The following CRNN variants were observed in gnomAD, a reference collection of about 807,000 sequenced individuals.
The protein encoded by CRNN is cornulin.
Under a neutral mutation model 44.7 loss-of-function variants are expected in CRNN, and 39 were observed. The observed-to-expected ratio is 0.87, with a 90% CI of 0.68 to 1.14. The LOEUF is 1.14. CRNN is among the 50% of genes most tolerant of loss of function. CRNN has a pLI of 0.00. For synonymous variants in CRNN, 240 were observed against 231.8 expected, an observed-to-expected ratio of 1.04 and a Z score of -0.32; for missense variants, 606 against 605.1, an observed-to-expected ratio of 1.00 and a Z score of -0.02.
In CRNN at chr1:152,410,724, C is replaced by A. The variant is rs201584659; in HGVS notation, c.358G>T (p.Gly120Cys). 1 of 1,614,124 alleles carries A rather than the reference C, an allele frequency of 6.2e-7. No individual in the cohort carries two copies. Among genetic ancestry groups the A allele is most frequent in the Non-Finnish European group, 8.5e-7 (1 of 1,179,976 alleles). Residue 120 changes from glycine to cysteine, a missense_variant, in exon 3 of 3, where the codon GGC becomes TGC. Gly to Cys is a radical substitution (Grantham distance 159). Transcript: ENST00000271835. ...TTCCCCGCCCTTCCCACTTCAGTGC[C>A]ACTTCTCTGTCCTTCGCCCAGCTCC... ...SQELGEGQRS[G>C]TEVGRAGKGQ...
At chr1:152,412,813 C>T (rs1280322344) in intron 1 of CRNN, among the ~76,000 whole-genome samples, 14 of 152,106 alleles carry the variant, frequency 9.2e-5, no homozygotes. Context: ...ATCCTAGGAT[C>T]CATTTTTCCT....
chr1:152,409,507 G>A lies in CRNN; in HGVS notation c.*87C>T. The A allele has an allele frequency of 6.5e-7, 1 of 1,527,368 alleles. No individual in the cohort carries two copies. Among genetic ancestry groups the A allele is most frequent in the Non-Finnish European group, 8.8e-7 (1 of 1,140,032 alleles). 94.6% of individuals were successfully genotyped at this position (1,527,368 alleles called of 1,614,324 possible). On this transcript the variant is annotated 3_prime_UTR_variant, in exon 3 of 3. Transcript: ENST00000271835. ...TGCATAATGAAGAGCTGATGTCCAG[G>A]GATGCACCCACTGGATTGGCCATGC...
Position 152,410,037 on chromosome 1 carries a change from T to C in CRNN, c.1045A>G (p.Ile349Val). The C allele has an allele frequency of 6.2e-7, 1 of 1,613,988 alleles. No homozygotes were observed. The highest frequency in any genetic ancestry group is 8.5e-7 in the Non-Finnish European group (1 of 1,179,976). Residue 349 changes from isoleucine to valine, a missense_variant, in exon 3 of 3, where the codon ATA becomes GTA. Coordinates refer to ENST00000271835, the MANE Select transcript of CRNN (RefSeq NM_016190.3). ...SQAVTGGHTQ[I>V]QAGSHTETVE... ...GTCTCGGTGTGTGACCCTGCCTGTA[T>C]CTGAGTGTGTCCTCCTGTCACAGCC...
Position 152,409,678 on chromosome 1 carries a change from C to T in CRNN, c.1404G>A (p.Gln468=). The T allele has an allele frequency of 6.2e-7, 1 of 1,614,214 alleles. No individual in the cohort carries two copies. Among genetic ancestry groups the T allele is most frequent in the Non-Finnish European group, 8.5e-7 (1 of 1,180,036 alleles). ...GNLHTSVSSA[Q]GQDAAQSEEK... ...CTTCTGACTGGGCTGCATCCTGGCC[C>T]TGTGCTGAGGAAACACTGGTATGCA... Residue 468 remains glutamine, a synonymous_variant, in exon 3 of 3, where the codon CAG becomes CAA. Transcript: ENST00000271835.
Position 152,409,373 on chromosome 1 carries a change from C to T in CRNN, c.*221G>A. 1 of 761,940 alleles carries T rather than the reference C, an allele frequency of 1.3e-6. No homozygotes were observed. Among genetic ancestry groups the T allele is most frequent in the Non-Finnish European group, 2.0e-6 (1 of 496,878 alleles). 47.2% of individuals were successfully genotyped at this position (761,940 alleles called of 1,614,324 possible). A position where few individuals can be genotyped will look rare whatever the true frequency, so the allele number is the denominator to read the frequency against. ...TACAAAGGGGTGACTTGCTCTGAGT[C>T]TTCCTGCTCCTGAGAGGGTCTGCAC... On this transcript the variant is annotated 3_prime_UTR_variant, in exon 3 of 3. Coordinates refer to ENST00000271835, the MANE Select transcript of CRNN (RefSeq NM_016190.3).
At position 152,410,564 on chromosome 1, in the gene CRNN, G is replaced by T. The variant is rs769738725; in HGVS notation, c.518C>A (p.Ser173Tyr). Residue 173 changes from serine (S) to tyrosine (Y), a missense_variant, in exon 3 of 3, where the codon TCC becomes TAC. Coordinates refer to ENST00000271835, the MANE Select transcript of CRNN (RefSeq NM_016190.3). Reference protein sequence around the residue: ...WVSSYDRQAESQSQERISPQI... With the variant: ...WVSSYDRQAEYQSQERISPQI... ...CGGGCTTATTCTTTCCTGGCTCTGG[G>T]ACTCAGCTTGCCTGTCATAGCTGCT... The T allele has an allele frequency of 3.1e-6, 5 of 1,614,126 alleles. No individual in the cohort carries two copies. In the South Asian group the frequency reaches 5.5e-5, roughly 18 times the overall value.
At position 152,412,100 on chromosome 1, in the gene CRNN, A is replaced by G. The variant is rs754934251; in HGVS notation, c.134T>C (p.Ile45Thr). The change falls in exon 2 of 3, where the codon ATT (isoleucine) becomes ACT (threonine). Residue 45 changes from isoleucine (I) to threonine (T), a missense_variant. Transcript: ENST00000271835. Reference protein sequence around the residue: ...RLLEQEFADVIVKPHDPATVD... With the variant: ...RLLEQEFADVTVKPHDPATVD... ...ACCCGGCTCAGCACACCGTACCACA[A>G]TCACATCGGCAAACTCTTGCTCCAA... The G allele has an allele frequency of 3.1e-6, 5 of 1,606,464 alleles. No homozygotes were observed. The highest frequency in any genetic ancestry group is 1.3e-5 in the African/African-American group (1 of 74,740).
At chr1:152,412,504 C>G (rs946366210) in intron 1 of CRNN, among the ~76,000 whole-genome samples, 5 of 152,090 alleles carry the variant, frequency 3.3e-5, no homozygotes, top group Non-Finnish European at 7.4e-5. Flanking sequence ...CCTCTCCATG[C>G]CTCAGTTTAC....
chr1:152,409,901 T>G lies in CRNN; in HGVS notation c.1181A>C (p.Glu394Ala). 1 of 1,614,210 alleles carries G rather than the reference T, an allele frequency of 6.2e-7. No individual in the cohort carries two copies. The highest frequency in any genetic ancestry group is 1.7e-5 in the Admixed American group (1 of 60,026). ...TCCTCCCGGTACTGTCTCTCCTGCC[T>G]CAGGGTTGCTCACTTGCATCCATCT... ...GQRWMQVSNP[E>A]AGETVPGGQA... The change falls in exon 3 of 3, where the codon GAG becomes GCG. Residue 394 changes from glutamate (E) to alanine (A), a missense_variant. Coordinates refer to ENST00000271835, the MANE Select transcript of CRNN (RefSeq NM_016190.3).
Position 152,410,709 on chromosome 1 carries a change from T to G in CRNN, c.373A>C (p.Arg125=). The G allele has an allele frequency of 6.2e-7, 1 of 1,614,050 alleles. No homozygotes were observed. The change falls in exon 3 of 3, where the codon AGG becomes CGG. Residue 125 remains arginine (R), a synonymous_variant. Transcript: ENST00000271835. ...EGQRSGTEVG[R]AGKGQHYEGS... ...TCATAATGCTGCCCTTTCCCCGCCC[T>G]TCCCACTTCAGTGCCACTTCTCTGT... is the stretch of plus-strand genomic sequence containing the variant.
chr1:152,409,622 T>C lies in CRNN; in HGVS notation c.1460A>G (p.Tyr487Cys), dbSNP rs780327984. The C allele has an allele frequency of 2.5e-6, 4 of 1,613,292 alleles. No individual in the cohort carries two copies. In the South Asian group the frequency reaches 4.4e-5, roughly 18 times the overall value. The change falls in exon 3 of 3, where the codon TAT becomes TGT. Residue 487 changes from tyrosine to cysteine, a missense_variant. Physicochemically the swap from Tyr to Cys is radical, Grantham distance 194. Coordinates refer to ENST00000271835, the MANE Select transcript of CRNN (RefSeq NM_016190.3). ...EKRGITAREL[Y>C]SYLRSTKP The stretch of plus-strand genomic sequence containing the variant: ...TGGCTTGGTGCTTCTCAAGTAGGAA[T>C]ACAGCTCTCTAGCTGTGATGCCTCG...
chr1:152,410,563 G>C lies in CRNN; in HGVS notation c.519C>G (p.Ser173=). The C allele has an allele frequency of 6.2e-7, 1 of 1,614,062 alleles. No homozygotes were observed. The highest frequency in any genetic ancestry group is 8.5e-7 in the Non-Finnish European group (1 of 1,180,016). Residue 173 remains serine (S), a synonymous_variant, in exon 3 of 3, where the codon TCC becomes TCG. Transcript: ENST00000271835. The part of the protein sequence containing the change: ...WVSSYDRQAE[S]QSQERISPQI... ...GCGGGCTTATTCTTTCCTGGCTCTG[G>C]GACTCAGCTTGCCTGTCATAGCTGC...
rs184532873 is a variant in CRNN at position 152,412,197 on chromosome 1, C to T, written c.37G>A (p.Glu13Lys). The change falls in exon 2 of 3, where the codon GAG (glutamate) becomes AAG (lysine). Residue 13 changes from glutamate (E) to lysine (K), a missense_variant. Coordinates refer to ENST00000271835, the MANE Select transcript of CRNN (RefSeq NM_016190.3). ...GTCCTTGCATAGCGCCTGAAGGCCT[C>T]GATGATCCCATTAATGTTTTGCAGT... Reference protein sequence around the residue: ...QLLQNINGIIEAFRRYARTEG... With the variant: ...QLLQNINGIIKAFRRYARTEG... 37 of 1,613,188 alleles carry T rather than the reference C, an allele frequency of 2.3e-5. No homozygotes were observed. In the African/African-American group the frequency reaches 4.3e-4, roughly 19 times the overall value.
At chr1:152,411,873 A>G (rs1655776913) in intron 2 of CRNN, among the ~76,000 whole-genome samples, 1 of 152,152 alleles carries the variant, frequency 6.6e-6, no homozygotes, top group Non-Finnish European at 1.5e-5. Flanking sequence ...TTAAGTTAGA[A>G]TTAATTAAAA....
chr1:152,410,415 T>A lies in CRNN; in HGVS notation c.667A>T (p.Thr223Ser), dbSNP rs1194860434. Residue 223 changes from threonine to serine, a missense_variant, in exon 3 of 3, where the codon ACA becomes TCA. Transcript: ENST00000271835. Reference sequence around the variant, plus strand: ...CCAGATCCAGTCACAGTCTCACCTGTCTGGTGGGCTCTGTCCTGTTCCCTG... The same window carrying A: ...CCAGATCCAGTCACAGTCTCACCTGACTGGTGGGCTCTGTCCTGTTCCCTG... ...QTREQDRAHQ[T>S]GETVTGSGTQ... The A allele has an allele frequency of 1.2e-6, 2 of 1,614,154 alleles. No homozygotes were observed. Among genetic ancestry groups the A allele is most frequent in the South Asian group, 2.2e-5 (2 of 91,074 alleles).
chr1:152,409,735 C>T lies in CRNN; in HGVS notation c.1347G>A (p.Glu449=), dbSNP rs1182089271. Residue 449 remains glutamate (E), a synonymous_variant, in exon 3 of 3, where the codon GAG becomes GAA. Coordinates refer to ENST00000271835, the MANE Select transcript of CRNN (RefSeq NM_016190.3). ...GEEWVDDHSR[E]TVILRLDQGN... ...CCTGGTCCAGCCTGAGGATCACTGT[C>T]TCCCTTGAGTGGTCATCAACCCATT... 6.2e-7 allele frequency: 1 copy of T among 1,614,252 alleles called. No individual in the cohort carries two copies. Among genetic ancestry groups the T allele is most frequent in the Non-Finnish European group, 8.5e-7 (1 of 1,180,034 alleles).
chr1:152,411,974 C>T lies in CRNN; in HGVS notation c.138+122G>A, dbSNP rs1008036271. ...TTTTTTCTGCCTGCACAGCTGCCATCTGTCCCGGCAGGCCTGGGTTTAGCT... is the reference window on the plus strand; with the variant it reads ...TTTTTTCTGCCTGCACAGCTGCCATTTGTCCCGGCAGGCCTGGGTTTAGCT... On this transcript the variant is annotated intron_variant, in intron 2 of 2. Coordinates refer to ENST00000271835, the MANE Select transcript of CRNN (RefSeq NM_016190.3). 2.8e-6 allele frequency: 3 copies of T among 1,076,154 alleles called. No individual in the cohort carries two copies. In the African/African-American group the frequency reaches 4.8e-5, roughly 17 times the overall value. The allele number at this position is 1,076,154 out of a possible 1,614,324, so 66.7% of individuals were successfully genotyped here. A position where few individuals can be genotyped will look rare whatever the true frequency, so the allele number is the denominator to read the frequency against.
chr1:152,410,071 C>G lies in CRNN; in HGVS notation c.1011G>C (p.Gln337His), dbSNP rs1278827082. ...GTEIHGQGRS[Q>H]TSQAVTGGHT... ...GTCCTCCTGTCACAGCCTGGCTGGT[C>G]TGGCTCCTGCCTTGACCGTGGATCT... Residue 337 changes from glutamine (Q) to histidine (H), a missense_variant, in exon 3 of 3, where the codon CAG (glutamine) becomes CAC (histidine). Physicochemically the swap from Gln to His is conservative, Grantham distance 24. Transcript: ENST00000271835. 6.2e-7 allele frequency: 1 copy of G among 1,613,936 alleles called. No homozygotes were observed. Among genetic ancestry groups the G allele is most frequent in the Non-Finnish European group, 8.5e-7 (1 of 1,180,010 alleles).
rs1420739905 is a variant in CRNN at position 152,410,674 on chromosome 1, G to T, written c.408C>A (p.Ser136Arg). The part of the protein sequence containing the change: ...AGKGQHYEGS[S>R]HRQSQQGSRG... ...TGGAACCCTGCTGGCTCTGTCTGTG[G>T]CTGCTCCCCTCATAATGCTGCCCTT... The change falls in exon 3 of 3, where the codon AGC (serine) becomes AGA (arginine). Residue 136 changes from serine to arginine, a missense_variant. Physicochemically the swap from Ser to Arg is moderately radical, Grantham distance 110. Transcript: ENST00000271835. The T allele has an allele frequency of 3.7e-6, 6 of 1,614,004 alleles. 1 individual carries two copies. In the South Asian group the frequency reaches 4.4e-5, roughly 12 times the overall value.
Sources: gnomAD v4.1 joint callset for allele counts (sites outside exome capture counted in the v4.1 genomes callset) on GRCh38, gnomAD v4.1.1 for gene constraint, MANE v1.5 for transcripts, NCBI Gene and HGNC (gene_info 2026-07-23, HGNC 2026-07-21) for gene names.